RSPO2: variants seen among roughly 807,000 people sequenced by gnomAD.
RSPO2 encodes R-spondin 2.
Under a neutral mutation model 30.9 loss-of-function variants are expected in RSPO2, and 14 were observed. The observed-to-expected ratio is 0.45, with a 90% CI of 0.30 to 0.71. RSPO2 has a LOEUF of 0.71. Ranked by LOEUF, RSPO2 falls within the 30% of genes least tolerant of loss-of-function variation. The pLI is 0.08. For synonymous variants in RSPO2, 107 were observed against 96.4 expected, an observed-to-expected ratio of 1.11 and a Z score of -0.64; for missense variants, 264 against 301.9, an observed-to-expected ratio of 0.87 and a Z score of 0.93.
At chr8:108,041,242 A>G (rs559905426) in intron 2 of RSPO2, among the ~76,000 whole-genome samples, 15 of 151,434 alleles carry the variant, frequency 9.9e-5, no homozygotes, top group South Asian at 4.2e-4. Flanking sequence ...CTATGATGAT[A>G]ATAATTTCTC....
intron 2 of RSPO2, among the ~76,000 whole-genome samples, chr8:108,041,293 T>C (rs185128981): frequency 6.0e-5 from 9 of 148,820 alleles, no homozygotes; most frequent in Non-Finnish European, 1.5e-5. Flanking sequence ...TAAGAGCAAA[T>C]ATGCTGCGTT....
chr8:107,971,420 A>G (rs936809978), intron 3 of RSPO2, among the ~76,000 whole-genome samples: 3 of 152,240 alleles, frequency 2.0e-5, no homozygotes, highest in African/African-American at 7.2e-5. Flanking sequence ...TCAGTTTGAT[A>G]TAATCTATCT....
At chr8:107,999,097 T>G (rs1450334680) in intron 2 of RSPO2, among the ~76,000 whole-genome samples, 2 of 152,164 alleles carry the variant, frequency 1.3e-5, no homozygotes, top group East Asian at 3.8e-4. Flanking sequence ...TTTCTTGAGT[T>G]CTTTAATAGA....
intron 3 of RSPO2, among the ~76,000 whole-genome samples, chr8:107,988,630 T>C (rs1251447460): frequency 6.6e-6 from 1 of 152,196 alleles, no homozygotes; most frequent in Non-Finnish European, 1.5e-5. Flanking sequence ...AGTTTGAGCT[T>C]AGACTCTTTT....
chr8:107,982,501 G>T (rs1287072495), intron 3 of RSPO2, among the ~76,000 whole-genome samples: 1 of 152,000 alleles, frequency 6.6e-6, no homozygotes, highest in Non-Finnish European at 1.5e-5. Flanking sequence ...TTCCTCCTCA[G>T]CTGGCTCTTT....
chr8:108,006,718 C>T (rs925561536), intron 2 of RSPO2, among the ~76,000 whole-genome samples: 10 of 151,914 alleles, frequency 6.6e-5, no homozygotes, highest in African/African-American at 1.9e-4. Flanking sequence ...TGTAGGACAC[C>T]GGGATTGTAA....
intron 3 of RSPO2, among the ~76,000 whole-genome samples, chr8:107,987,757 C>G (rs1814695656): frequency 6.6e-6 from 1 of 152,164 alleles, no homozygotes; most frequent in South Asian, 2.1e-4. Flanking sequence ...AACCAGCCCC[C>G]ACTAGTTCTG....
chr8:107,932,963 C>T (rs188987447), intron 5 of RSPO2, among the ~76,000 whole-genome samples: 6 of 152,200 alleles, frequency 3.9e-5, no homozygotes, highest in African/African-American at 1.2e-4. Flanking sequence ...AAGAAAGTGG[C>T]AAGAAGATAG....
At chr8:108,074,383 C>T (rs572413216) in intron 2 of RSPO2, among the ~76,000 whole-genome samples, 78 of 152,322 alleles carry the variant, frequency 5.1e-4, no homozygotes, top group African/African-American at 1.8e-3. Context: ...TACACATAGA[C>T]ACCCATACAC....
intron 5 of RSPO2, among the ~76,000 whole-genome samples, chr8:107,952,066 T>C (rs1813267580): frequency 1.3e-5 from 2 of 152,106 alleles, no homozygotes; most frequent in Non-Finnish European, 2.9e-5. Context: ...TAAAAATATT[T>C]TAAAAAGTGA....
At chr8:108,047,778 G>A (rs895528396) in intron 2 of RSPO2, among the ~76,000 whole-genome samples, 1 of 151,804 alleles carries the variant, frequency 6.6e-6, no homozygotes, top group African/African-American at 2.4e-5. Flanking sequence ...TTGAACCCGG[G>A]AGGCAGAGGT....
rs1261691199 is a variant in RSPO2 at position 107,943,077 on chromosome 8, T to C, written c.616+15003A>G. On this transcript the variant is annotated intron_variant, in intron 5 of 5. Coordinates refer to ENST00000276659, the MANE Select transcript of RSPO2 (RefSeq NM_178565.5). ...TCAGGCTGCTTAAGCAGCAGGGAAATAAACAAAAGTGGAGAGACAATGAAA... is the reference window on the plus strand; with the variant it reads ...TCAGGCTGCTTAAGCAGCAGGGAAACAAACAAAAGTGGAGAGACAATGAAA... Among the ~76,000 whole-genome samples the C allele has an allele frequency of 3.3e-5, 5 of 152,258 alleles. No homozygotes were observed. The East Asian group carries it at 7.7e-4, about 24-fold the overall frequency.
intron 5 of RSPO2, among the ~76,000 whole-genome samples, chr8:107,954,458 G>A (rs1364695732): frequency 6.6e-6 from 1 of 152,202 alleles, no homozygotes; most frequent in Non-Finnish European, 1.5e-5. Context: ...GTATACTCAG[G>A]GAGAGGGCAA....
Position 108,068,755 on chromosome 8 carries a change from T to TTC in RSPO2, c.94+13788_94+13789dup, listed in dbSNP as rs556058211. On this transcript the variant is annotated intron_variant, in intron 2 of 5. Transcript: ENST00000276659. The stretch of plus-strand genomic sequence containing the variant: ...GTGAACATAGAAGCAGAGATTGGAA[T>TTC]TCTACTGTTACAAGTCAAGGAACAC... Among the ~76,000 whole-genome samples the TTC allele has an allele frequency of 9.1e-4, 139 of 152,324 alleles. 1 individual carries two copies. Among genetic ancestry groups the TTC allele is most frequent in the African/African-American group, 3.2e-3 (133 of 41,580 alleles).
At chr8:107,970,022 C>A (rs533340864) in intron 3 of RSPO2, among the ~76,000 whole-genome samples, 3 of 152,198 alleles carry the variant, frequency 2.0e-5, no homozygotes, top group South Asian at 4.2e-4. Context: ...TCCACTCAAC[C>A]CCCATCCAAG....
At chr8:108,006,315 T>C (rs1815449898) in intron 2 of RSPO2, among the ~76,000 whole-genome samples, 1 of 151,958 alleles carries the variant, frequency 6.6e-6, no homozygotes, top group African/African-American at 2.4e-5. Flanking sequence ...GGGGAAAAAA[T>C]AATATCAAAA....
chr8:108,037,361 C>T (rs1371846217), intron 2 of RSPO2, among the ~76,000 whole-genome samples: 1 of 152,156 alleles, frequency 6.6e-6, no homozygotes, highest in African/African-American at 2.4e-5. Flanking sequence ...AAGATCCTAA[C>T]TCTCTTTAAC....
chr8:108,065,087 G>A (rs756776113), intron 2 of RSPO2, among the ~76,000 whole-genome samples: 4 of 151,808 alleles, frequency 2.6e-5, no homozygotes, highest in Admixed American at 2.0e-4. Context: ...GAGTTAATGG[G>A]TGCAGCACAC....
intron 5 of RSPO2, among the ~76,000 whole-genome samples, chr8:107,928,150 A>G (rs1812444180): frequency 1.3e-5 from 2 of 152,136 alleles, no homozygotes; most frequent in South Asian, 4.1e-4. Flanking sequence ...TTAAGTGCTA[A>G]GGATCTCTTG....
Sources: gnomAD v4.1 joint callset for allele counts (sites outside exome capture counted in the v4.1 genomes callset) on GRCh38, gnomAD v4.1.1 for gene constraint, MANE v1.5 for transcripts, NCBI Gene and HGNC (gene_info 2026-07-23, HGNC 2026-07-21) for gene names.